Variants in VPS13B observed in about 807,000 individuals in gnomAD.
The protein encoded by VPS13B is intermembrane lipid transfer protein VPS13B.
A neutral mutation model predicts 426.4 loss-of-function variants in VPS13B; 285 were observed. That is an observed-to-expected ratio of 0.67 (90% CI 0.61 to 0.74). The LOEUF (loss-of-function observed/expected upper bound fraction) is 0.74. Among genes scored for constraint, VPS13B ranks in the 30% least tolerant of loss-of-function variants. The pLI is 0.00. For missense variants in VPS13B, 4,537 were observed against 4,782.6 expected (o/e 0.95, Z 1.51); for synonymous variants, 1,676 against 1,676.4 (o/e 1.00, Z 0.01).
intron 54 of VPS13B, among the ~76,000 whole-genome samples, chr8:99,842,621 T>A (rs1031951510): frequency 2.0e-5 from 3 of 152,022 alleles, no homozygotes; most frequent in East Asian, 1.9e-4. Flanking sequence ...CTCTATTTTT[T>A]AAAAAAACAA....
chr8:99,673,102 T>C (rs1488475629), intron 35 of VPS13B, among the ~76,000 whole-genome samples: 1 of 152,106 alleles, frequency 6.6e-6, no homozygotes, highest in Non-Finnish European at 1.5e-5. Context: ...TTTTTTAGCA[T>C]GTCTTTGTCT....
chr8:99,730,914 G>A (rs559644824), intron 39 of VPS13B, among the ~76,000 whole-genome samples: 3 of 152,054 alleles, frequency 2.0e-5, no homozygotes, highest in Admixed American at 6.6e-5. Flanking sequence ...CTTTTTAAAC[G>A]AAGCTTACAT....
chr8:99,860,533 A>C (rs1816782873), intron 57 of VPS13B, among the ~76,000 whole-genome samples: 2 of 152,168 alleles, frequency 1.3e-5, no homozygotes, highest in Admixed American at 6.5e-5. Context: ...TGACTCACTG[A>C]ATGTTTTTTA....
intron 19 of VPS13B, among the ~76,000 whole-genome samples, chr8:99,362,285 G>A (rs1278390282): frequency 3.3e-5 from 5 of 151,818 alleles, no homozygotes; most frequent in African/African-American, 1.2e-4. Flanking sequence ...GGGACTACAG[G>A]TGCCCGCCAC....
At chr8:99,153,015 C>T (rs1022038622) in intron 14 of VPS13B, among the ~76,000 whole-genome samples, 1 of 151,904 alleles carries the variant, frequency 6.6e-6, no homozygotes, top group African/African-American at 2.4e-5. Flanking sequence ...CAAAAAAATA[C>T]AAAAGTTAGC....
At chr8:99,328,220 G>C (rs1408194613) in intron 19 of VPS13B, among the ~76,000 whole-genome samples, 1 of 152,120 alleles carries the variant, frequency 6.6e-6, no homozygotes, top group Non-Finnish European at 1.5e-5. Context: ...ATCTGAGGTG[G>C]AACAGTTTCA....
intron 27 of VPS13B, among the ~76,000 whole-genome samples, chr8:99,505,517 G>A (rs1434671842): frequency 6.6e-6 from 1 of 152,074 alleles, no homozygotes; most frequent in Admixed American, 6.6e-5. Flanking sequence ...GAAATAGTGG[G>A]GTCAGTGGAG....
chr8:99,678,168 AC>A (rs1831017636), intron 35 of VPS13B, among the ~76,000 whole-genome samples: 1 of 152,126 alleles, frequency 6.6e-6, no homozygotes. Flanking sequence ...TAGTCTTCAA[AC>A]TTTTTTTTAC....
chr8:99,089,817 T>C (rs764143417), intron 3 of VPS13B, among the ~76,000 whole-genome samples: 42 of 152,174 alleles, frequency 2.8e-4, no homozygotes, highest in Non-Finnish European at 5.7e-4. Context: ...CTACAGAATA[T>C]AGATTTTCCC....
At chr8:99,171,325 A>G (rs1217497200) in intron 16 of VPS13B, among the ~76,000 whole-genome samples, 2 of 151,978 alleles carry the variant, frequency 1.3e-5, no homozygotes, top group African/African-American at 2.4e-5. Flanking sequence ...AAACTGGGAT[A>G]TGTCACAGTT....
At chr8:99,583,300 A>G (rs993475586) in intron 33 of VPS13B, among the ~76,000 whole-genome samples, 5 of 152,332 alleles carry the variant, frequency 3.3e-5, no homozygotes, top group African/African-American at 1.2e-4. Flanking sequence ...CTATTAATAT[A>G]AATTAGTAAA....
intron 34 of VPS13B, among the ~76,000 whole-genome samples, chr8:99,658,624 C>T (rs1830105564): frequency 6.6e-6 from 1 of 152,182 alleles, no homozygotes; most frequent in African/African-American, 2.4e-5. Context: ...TATTTACACA[C>T]TTACCTGACT....
chr8:99,462,198 T>C lies in VPS13B; in HGVS notation c.3446-5216T>C, dbSNP rs559253167. Reference sequence around the variant, plus strand: ...CCTCCCTCCCTCCATCTCTTCCTTTTGTGTACTGTATGCTATGCACTGTGT... The same window carrying C: ...CCTCCCTCCCTCCATCTCTTCCTTTCGTGTACTGTATGCTATGCACTGTGT... On this transcript the variant is annotated intron_variant, in intron 23 of 61. Transcript: ENST00000357162. Among the ~76,000 whole-genome samples the C allele has an allele frequency of 9.2e-4, 139 of 150,900 alleles. 1 individual carries two copies. The highest frequency in any genetic ancestry group is 2.8e-3 in the African/African-American group (117 of 41,186).
chr8:99,514,962 G>A (rs747721006), intron 29 of VPS13B, among the ~76,000 whole-genome samples: 37 of 152,194 alleles, frequency 2.4e-4, no homozygotes, highest in Admixed American at 8.5e-4. Flanking sequence ...AAGAGCAAAG[G>A]GAGCTCACGC....
chr8:99,394,227 T>C (rs1412337213), intron 21 of VPS13B, among the ~76,000 whole-genome samples: 1 of 152,210 alleles, frequency 6.6e-6, no homozygotes, highest in Non-Finnish European at 1.5e-5. Context: ...AAATTATTTT[T>C]TAAATTTATA....
intron 3 of VPS13B, among the ~76,000 whole-genome samples, chr8:99,081,953 T>A (rs1278922480): frequency 1.3e-5 from 2 of 152,306 alleles, no homozygotes; most frequent in East Asian, 3.9e-4. Flanking sequence ...GCAGCATGAT[T>A]TATAATCCTT....
chr8:99,761,874 G>A (rs1181673722), intron 39 of VPS13B, among the ~76,000 whole-genome samples: 2 of 151,978 alleles, frequency 1.3e-5, no homozygotes, highest in Non-Finnish European at 2.9e-5. Context: ...TTTATGGTAT[G>A]GGACACGTAA....
intron 5 of VPS13B, among the ~76,000 whole-genome samples, chr8:99,105,454 C>T (rs893676994): frequency 1.3e-5 from 2 of 152,188 alleles, no homozygotes; most frequent in Non-Finnish European, 2.9e-5. Context: ...TCTTGGCTCA[C>T]TGCAACTTCT....
At chr8:99,595,677 GAA>G (rs1826972555) in intron 33 of VPS13B, among the ~76,000 whole-genome samples, 3 of 151,922 alleles carry the variant, frequency 2.0e-5, no homozygotes, top group Admixed American at 6.6e-5. Flanking sequence ...CCCAGAAAGT[GAA>G]AAGACAACCC....
Sources: gnomAD v4.1 joint callset for allele counts (sites outside exome capture counted in the v4.1 genomes callset) on GRCh38, gnomAD v4.1.1 for gene constraint, MANE v1.5 for transcripts, NCBI Gene and HGNC (gene_info 2026-07-23, HGNC 2026-07-21) for gene names.